IGSF21: variants seen among roughly 807,000 people sequenced by gnomAD.
IGSF21 encodes immunoglobin superfamily member 21, also known as immunoglobulin superfamily member 21.
A neutral mutation model predicts 46.8 loss-of-function variants in IGSF21; 28 were observed. The observed-to-expected ratio is 0.60, with a 90% CI of 0.44 to 0.82. The LOEUF (loss-of-function observed/expected upper bound fraction) is 0.82. Among genes scored for constraint, IGSF21 ranks in the 40% least tolerant of loss-of-function variants. The pLI is 0.00. For missense variants in IGSF21, 624 were observed against 665.5 expected, an observed-to-expected ratio of 0.94 and a Z score of 0.69; for synonymous variants, 284 against 273.6, an observed-to-expected ratio of 1.04 and a Z score of -0.38.
chr1:18,304,039 C>T (rs368259862), intron 3 of IGSF21, among the ~76,000 whole-genome samples: 1 of 152,024 alleles, frequency 6.6e-6, no homozygotes, highest in Non-Finnish European at 1.5e-5. Context: ...TGGGGCTGGA[C>T]AGGCGGAGGT....
At chr1:18,257,169 G>A (rs1459976857) in intron 2 of IGSF21, among the ~76,000 whole-genome samples, 2 of 152,184 alleles carry the variant, frequency 1.3e-5, no homozygotes, top group Non-Finnish European at 2.9e-5. Flanking sequence ...TTGAAAGTGA[G>A]GGAAATTATT....
At chr1:18,170,167 C>CT (rs895004697) in intron 1 of IGSF21, among the ~76,000 whole-genome samples, 13 of 152,108 alleles carry the variant, frequency 8.5e-5, no homozygotes, top group African/African-American at 2.9e-4. Flanking sequence ...ATCACTGGAC[C>CT]TTGATGCTGC....
intron 1 of IGSF21, among the ~76,000 whole-genome samples, chr1:18,179,699 G>A (rs528593429): frequency 1.3e-3 from 193 of 152,228 alleles, no homozygotes; most frequent in African/African-American, 4.0e-3. Context: ...AGGAGGGGTC[G>A]GCTTGGGGGT....
chr1:18,329,017 G>A (rs891734767), intron 3 of IGSF21, among the ~76,000 whole-genome samples: 10 of 152,224 alleles, frequency 6.6e-5, no homozygotes, highest in Non-Finnish European at 1.5e-4. Context: ...CCAGCAGGGA[G>A]AAAACATATG....
chr1:18,231,555 G>C (rs2084625852), intron 2 of IGSF21, among the ~76,000 whole-genome samples: 1 of 152,180 alleles, frequency 6.6e-6, no homozygotes, highest in Non-Finnish European at 1.5e-5. Flanking sequence ...TAGCCCCTTG[G>C]TCTGGGTTGT....
intron 1 of IGSF21, among the ~76,000 whole-genome samples, chr1:18,173,985 C>G (rs1239671042): frequency 1.3e-5 from 2 of 152,196 alleles, no homozygotes; most frequent in Non-Finnish European, 2.9e-5. Flanking sequence ...AACTCCTGAC[C>G]TCGGGTGATT....
chr1:18,206,893 A>G (rs1322405658), intron 1 of IGSF21, among the ~76,000 whole-genome samples: 2 of 152,214 alleles, frequency 1.3e-5, no homozygotes, highest in African/African-American at 2.4e-5. Flanking sequence ...GTAACAAATT[A>G]CTACACACTT....
At chr1:18,311,096 C>A (rs753499858) in intron 3 of IGSF21, among the ~76,000 whole-genome samples, 1 of 152,106 alleles carries the variant, frequency 6.6e-6, no homozygotes, top group African/African-American at 2.4e-5. Flanking sequence ...GAGTGGGGAG[C>A]GCAATTCACC....
At chr1:18,294,107 T>G (rs879556476) in intron 3 of IGSF21, among the ~76,000 whole-genome samples, 2 of 152,228 alleles carry the variant, frequency 1.3e-5, no homozygotes, top group Non-Finnish European at 2.9e-5. Flanking sequence ...GAAATTTATG[T>G]CCAACAGCCT....
chr1:18,302,550 C>T (rs564599721), intron 3 of IGSF21, among the ~76,000 whole-genome samples: 1 of 152,264 alleles, frequency 6.6e-6, no homozygotes, highest in South Asian at 2.1e-4. Flanking sequence ...CTTTCTCTCC[C>T]CCCTTTCCAA....
At chr1:18,247,784 G>T (rs1216601867) in intron 2 of IGSF21, among the ~76,000 whole-genome samples, 4 of 152,068 alleles carry the variant, frequency 2.6e-5, no homozygotes. Flanking sequence ...CCTAGGGGTG[G>T]GTACTGTCAT....
chr1:18,180,623 T>C (rs2086848493), intron 1 of IGSF21, among the ~76,000 whole-genome samples: 1 of 152,218 alleles, frequency 6.6e-6, no homozygotes, highest in Admixed American at 6.5e-5. Flanking sequence ...CTACTCCAGG[T>C]TCAGCATTTC....
chr1:18,174,306 A>T (rs1378589556), intron 1 of IGSF21, among the ~76,000 whole-genome samples: 1 of 152,116 alleles, frequency 6.6e-6, no homozygotes, highest in African/African-American at 2.4e-5. Flanking sequence ...TGTTCCCCGA[A>T]TCCGAGCAGC....
chr1:18,222,472 G>C (rs1212149286), intron 1 of IGSF21, among the ~76,000 whole-genome samples: 2 of 152,194 alleles, frequency 1.3e-5, no homozygotes, highest in Admixed American at 1.3e-4. Context: ...GGGAAGCATG[G>C]TGCCACCTCG....
chr1:18,227,417 AT>A (rs1385787817), intron 1 of IGSF21, among the ~76,000 whole-genome samples: 7 of 152,000 alleles, frequency 4.6e-5, no homozygotes, highest in Non-Finnish European at 8.8e-5. Context: ...CCATATTCAA[AT>A]AGGTTTGGAA....
chr1:18,162,002 A>G (rs1244230186), intron 1 of IGSF21, among the ~76,000 whole-genome samples: 1 of 152,064 alleles, frequency 6.6e-6, no homozygotes, highest in Admixed American at 6.6e-5. Context: ...CTAACTTACA[A>G]TGATTCGATT....
intron 3 of IGSF21, among the ~76,000 whole-genome samples, chr1:18,331,823 T>C (rs1433619238): frequency 6.6e-6 from 1 of 152,004 alleles, no homozygotes; most frequent in African/African-American, 2.4e-5. Context: ...CTATTAGGAG[T>C]AGAACACCCA....
At chr1:18,125,043 T>C (rs1044518918) in intron 1 of IGSF21, among the ~76,000 whole-genome samples, 4 of 152,064 alleles carry the variant, frequency 2.6e-5, no homozygotes, top group Non-Finnish European at 1.5e-5. Flanking sequence ...GAAACTACTG[T>C]GCAACGTTCT....
intron 1 of IGSF21, among the ~76,000 whole-genome samples, chr1:18,120,998 G>A (rs2086229642): frequency 6.6e-6 from 1 of 152,180 alleles, no homozygotes; most frequent in East Asian, 1.9e-4. Flanking sequence ...ATTTCACACG[G>A]AGACGTTCTT....
Sources: gnomAD v4.1 joint callset for allele counts (sites outside exome capture counted in the v4.1 genomes callset) on GRCh38, gnomAD v4.1.1 for gene constraint, MANE v1.5 for transcripts, NCBI Gene and HGNC (gene_info 2026-07-23, HGNC 2026-07-21) for gene names.